ZNF341: variants seen among roughly 807,000 people sequenced by gnomAD.
ZNF341 encodes the protein zinc finger protein 341.
In ZNF341, 52 loss-of-function variants were observed where a neutral mutation model predicts 87.7. The ratio of observed to expected loss-of-function variants is 0.59; its 90% CI spans 0.47 to 0.75. The LOEUF (loss-of-function observed/expected upper bound fraction) is 0.75. Ranked by LOEUF, ZNF341 falls within the 30% of genes least tolerant of loss-of-function variation. The pLI, the probability that ZNF341 is intolerant of heterozygous loss-of-function variation, is 0.00. For synonymous variants in ZNF341, 459 were observed against 472.7 expected (o/e 0.97, Z 0.38); for missense variants, 977 against 1,145.9 (o/e 0.85, Z 2.13).
intron 1 of ZNF341, among the ~76,000 whole-genome samples, chr20:33,736,706 A>T (rs1334000112): frequency 6.6e-6 from 1 of 152,116 alleles, no homozygotes; most frequent in East Asian, 1.9e-4. Flanking sequence ...CCCAGGCTAA[A>T]TTTTTTACTG....
chr20:33,749,128 C>G, intron 4 of ZNF341, 56 bp downstream of exon 4: 1 of 1,561,202 alleles, frequency 6.4e-7, no homozygotes, highest in Non-Finnish European at 8.7e-7. Flanking sequence ...ACATTAACTC[C>G]TGCAGATTCA....
At chr20:33,788,800 C>T (rs1249985472) in intron 12 of ZNF341, 63 bp from the exon 13 acceptor site, 6 of 1,420,890 alleles carry the variant, frequency 4.2e-6, no homozygotes, top group South Asian at 1.2e-5. Context: ...CCAGCGGGGA[C>T]CCTTGTGCCC....
chr20:33,749,180 G>C, intron 4 of ZNF341, 108 bp downstream of exon 4: 2 of 1,395,706 alleles, frequency 1.4e-6, no homozygotes, highest in African/African-American at 1.4e-5. Context: ...AGCTCTCCCT[G>C]ATGCTGAGGG....
chr20:33,779,002 G>A (rs1240961975), intron 10 of ZNF341, among the ~76,000 whole-genome samples: 2 of 152,064 alleles, frequency 1.3e-5, no homozygotes, highest in African/African-American at 2.4e-5. Context: ...TTTTGACTCT[G>A]TATTAGGCCA....
At chr20:33,740,269 G>C (rs918867644) in intron 1 of ZNF341, among the ~76,000 whole-genome samples, 1 of 152,192 alleles carries the variant, frequency 6.6e-6, no homozygotes. Context: ...AAAGGAGGAT[G>C]GGACAAAGAA....
In ZNF341 at chr20:33,791,541, G is replaced by A. The variant is rs1204952266; in HGVS notation, c.*24G>A. The stretch of plus-strand genomic sequence containing the variant: ...GACGGACCTGAGGTGTCTGTTTCCT[G>A]GGCAGGCCTGATGCTCCTGTTTGGG... On this transcript the variant is annotated 3_prime_UTR_variant, in exon 15 of 15. Transcript: ENST00000375200. 2 of 1,521,256 alleles carry A rather than the reference G, an allele frequency of 1.3e-6. No homozygotes were observed. Among genetic ancestry groups the A allele is most frequent in the Admixed American group, 1.9e-5 (1 of 51,464 alleles). 94.2% of individuals were successfully genotyped at this position (1,521,256 alleles called of 1,614,324 possible).
At chr20:33,748,643 T>C (rs1005762328) in intron 3 of ZNF341, among the ~76,000 whole-genome samples, 1 of 151,916 alleles carries the variant, frequency 6.6e-6, no homozygotes, top group Non-Finnish European at 1.5e-5. Context: ...GCTGGGATTA[T>C]AGTTGTGAGC....
At chr20:33,770,361 C>T (rs1027131513) in intron 10 of ZNF341, 69 bp downstream of exon 10, 1 of 1,471,684 alleles carries the variant, frequency 6.8e-7, no homozygotes, top group Admixed American at 1.8e-5. Flanking sequence ...GGCCTGTGGC[C>T]TTGGTGGTTC....
At chr20:33,764,759 C>G (rs7269533) in intron 8 of ZNF341, among the ~76,000 whole-genome samples, 30,385 of 149,794 alleles carry the variant, frequency 0.2, 3,469 homozygotes, top group East Asian at 0.55. Flanking sequence ...TTTTTGAAAT[C>G]CAGCAGGTAT....
chr20:33,787,488 C>G (rs1034280323), intron 12 of ZNF341: 1 of 152,116 alleles, frequency 6.6e-6, no homozygotes, highest in Non-Finnish European at 1.5e-5. Flanking sequence ...AGAGGGAGAA[C>G]AGAGAGGAAA....
chr20:33,768,599 T>C (rs547924748), intron 9 of ZNF341, among the ~76,000 whole-genome samples: 67 of 151,936 alleles, frequency 4.4e-4, no homozygotes, highest in Non-Finnish European at 8.2e-4. Context: ...ATTTTTGTGC[T>C]TTTAGTAGAG....
chr20:33,735,899 C>T lies in ZNF341; in HGVS notation c.31+3847C>T, dbSNP rs147210819. On this transcript the variant is annotated intron_variant, in intron 1 of 14. Transcript: ENST00000375200. The stretch of plus-strand genomic sequence containing the variant: ...CTCCATTTGTAAAATTTTGTGATTT[C>T]AAGAATACTATATAAATGAAATCAT... Among the ~76,000 whole-genome samples, 10 of 152,048 alleles carry T rather than the reference C, an allele frequency of 6.6e-5. No homozygotes were observed. The East Asian group carries it at 1.6e-3, about 24-fold the overall frequency.
intron 14 of ZNF341, among the ~76,000 whole-genome samples, chr20:33,790,679 G>A (rs925986575): frequency 3.9e-5 from 6 of 152,154 alleles, no homozygotes; most frequent in Non-Finnish European, 7.4e-5. Context: ...CAGGCGTCAC[G>A]GCCCCTCCCT....
At chr20:33,771,601 G>A (rs1007570223) in intron 10 of ZNF341, among the ~76,000 whole-genome samples, 1 of 152,046 alleles carries the variant, frequency 6.6e-6, no homozygotes, top group African/African-American at 2.4e-5. Context: ...TTTTATTGGG[G>A]TAATTTATTC....
At chr20:33,790,437 TC>T (rs368093877) in intron 14 of ZNF341, among the ~76,000 whole-genome samples, 263 of 152,228 alleles carry the variant, frequency 1.7e-3, no homozygotes, top group African/African-American at 6.1e-3. Flanking sequence ...TTTAGCAGTA[TC>T]CCTGGCTTCT....
At chr20:33,734,151 AG>A (rs1489688215) in intron 1 of ZNF341, among the ~76,000 whole-genome samples, 4 of 150,514 alleles carry the variant, frequency 2.7e-5, no homozygotes, top group Non-Finnish European at 5.9e-5. Flanking sequence ...GTGGAGATCT[AG>A]GGGAGGAGGG....
intron 10 of ZNF341, among the ~76,000 whole-genome samples, chr20:33,776,760 C>CTCACTCTGTCCTTCAG: frequency 6.6e-6 from 1 of 151,962 alleles, no homozygotes; most frequent in Non-Finnish European, 1.5e-5. Flanking sequence ...CAGGTGTGGT[C>CTCACTCTGTCCTTCAG]GCCTTGCCTC....
chr20:33,768,457 T>C (rs1020303830), intron 9 of ZNF341, among the ~76,000 whole-genome samples: 1 of 149,138 alleles, frequency 6.7e-6, no homozygotes, highest in Non-Finnish European at 1.5e-5. Context: ...AGGGTCTCAC[T>C]CTGTCACCAG....
intron 4 of ZNF341, among the ~76,000 whole-genome samples, chr20:33,749,327 C>G (rs1022307862): frequency 6.6e-6 from 1 of 152,142 alleles, no homozygotes; most frequent in Admixed American, 6.5e-5. Flanking sequence ...GAGTCTCACT[C>G]TGTTGCCCAG....
Sources: gnomAD v4.1 joint callset for allele counts (sites outside exome capture counted in the v4.1 genomes callset) on GRCh38, gnomAD v4.1.1 for gene constraint, MANE v1.5 for transcripts, NCBI Gene and HGNC (gene_info 2026-07-23, HGNC 2026-07-21) for gene names.